Variants in IGBP1C observed in about 807,000 individuals in gnomAD.
IGBP1C encodes the protein IGBP1 family member C, also known as immunoglobulin-binding protein 1 family member C.
At chr17:58,680,095 C>T in the IGBP1C span, among the ~76,000 whole-genome samples, 1 of 151,954 alleles carries the variant, frequency 6.6e-6, no homozygotes, top group Admixed American at 6.6e-5. Context: ...TTTTTTCCCC[C>T]CAGAGACAAA....
chr17:58,661,201 G>A, the IGBP1C span: 1 of 799,024 alleles, frequency 1.3e-6, no homozygotes. Context: ...CAGCTGAGTT[G>A]GTCTTGGTTT....
the IGBP1C span, among the ~76,000 whole-genome samples, chr17:58,684,630 C>CAAAT: frequency 0.015 from 2,104 of 140,410 alleles, 32 homozygotes; most frequent in Admixed American, 0.042. Context: ...GACCCTGTCT[C>CAAAT]AAATAAATAA....
the IGBP1C span, among the ~76,000 whole-genome samples, chr17:58,673,523 T>TAAATAAA: frequency 8.9e-6 from 1 of 112,962 alleles, no homozygotes; most frequent in African/African-American, 3.4e-5. Context: ...AAATAAATAA[T>TAAATAAA]TGTATTGTAA....
chr17:58,686,574 G>A, the IGBP1C span, among the ~76,000 whole-genome samples: 2 of 152,250 alleles, frequency 1.3e-5, no homozygotes, highest in South Asian at 4.1e-4. Flanking sequence ...TGCTTGCAAA[G>A]CAAACAGAAA....
At chr17:58,680,912 T>C in the IGBP1C span, among the ~76,000 whole-genome samples, 7 of 152,314 alleles carry the variant, frequency 4.6e-5, no homozygotes, top group South Asian at 1.5e-3. Context: ...AGCCAGAGTT[T>C]ATAACTTTTT....
chr17:58,665,725 T>TTC, the IGBP1C span, among the ~76,000 whole-genome samples: 7 of 151,902 alleles, frequency 4.6e-5, no homozygotes, highest in East Asian at 9.8e-4. Context: ...CCCCAAAGCA[T>TTC]TCTTAAGAAC....
At chr17:58,661,358 A>T in the IGBP1C span, 1 of 906,626 alleles carries the variant, frequency 1.1e-6, no homozygotes, top group South Asian at 1.3e-5. Flanking sequence ...TGGCACCATC[A>T]GGTACTTCAG....
At chr17:58,681,913 A>C in the IGBP1C span, among the ~76,000 whole-genome samples, 3 of 152,152 alleles carry the variant, frequency 2.0e-5, no homozygotes, top group Non-Finnish European at 2.9e-5. Context: ...GGGAAAAGGT[A>C]ATGTATGTGA....
the IGBP1C span, among the ~76,000 whole-genome samples, chr17:58,665,952 G>C: frequency 1.3e-5 from 2 of 151,854 alleles, no homozygotes; most frequent in East Asian, 1.9e-4. Flanking sequence ...AGGAGGCTGA[G>C]GCAGGAGAAT....
At chr17:58,662,846 G>A in the IGBP1C span, among the ~76,000 whole-genome samples, 481 of 152,238 alleles carry the variant, frequency 3.2e-3, 4 homozygotes, top group Non-Finnish European at 5.4e-3. Context: ...GTGACCGGGC[G>A]CGGTGGCTCA....
chr17:58,690,382 T>A, the IGBP1C span, among the ~76,000 whole-genome samples: 1 of 152,148 alleles, frequency 6.6e-6, no homozygotes, highest in East Asian at 1.9e-4. Context: ...CCCAGGCTGG[T>A]CTCAAACTCC....
chr17:58,676,197 GA>G, the IGBP1C span, among the ~76,000 whole-genome samples: 1 of 152,090 alleles, frequency 6.6e-6, no homozygotes, highest in Admixed American at 6.6e-5. Flanking sequence ...CCAAAATGGT[GA>G]AACCCCATCT....
the IGBP1C span, chr17:58,660,510 G>A: frequency 2.8e-6 from 2 of 714,026 alleles, no homozygotes; most frequent in South Asian, 3.3e-5. Context: ...TCAGGGAGGG[G>A]AAGGCTGCAT....
the IGBP1C span, among the ~76,000 whole-genome samples, chr17:58,673,119 A>C: frequency 1.3e-5 from 2 of 152,082 alleles, no homozygotes; most frequent in Non-Finnish European, 2.9e-5. Flanking sequence ...CCAAAGGGAA[A>C]TTTTGAAACT....
the IGBP1C span, among the ~76,000 whole-genome samples, chr17:58,669,252 TGAGGCAGAAGAATGGCTTGAACCCAG>T: frequency 1.3e-5 from 2 of 151,632 alleles, no homozygotes; most frequent in African/African-American, 4.9e-5. Context: ...CTCAGGAGGC[TGAGGCAGAAGAATGGCTTGAACCCAG>T]GAGGCAGAGG....
chr17:58,675,415 A>T, the IGBP1C span: 1 of 154,706 alleles, frequency 6.5e-6, no homozygotes, highest in African/African-American at 2.4e-5. Context: ...TAAGAGATGT[A>T]AGCATTTTGA....
At chr17:58,684,031 C>T in the IGBP1C span, among the ~76,000 whole-genome samples, 12 of 152,146 alleles carry the variant, frequency 7.9e-5, no homozygotes, top group South Asian at 2.1e-4. Context: ...TGCCACTGCA[C>T]TCCAGCCTGG....
At chr17:58,687,898 T>C in the IGBP1C span, among the ~76,000 whole-genome samples, 2 of 152,154 alleles carry the variant, frequency 1.3e-5, no homozygotes, top group African/African-American at 4.8e-5. Flanking sequence ...AAGATCCTGA[T>C]AGATTATAAG....
chr17:58,672,222 C>A, the IGBP1C span, among the ~76,000 whole-genome samples: 1 of 152,140 alleles, frequency 6.6e-6, no homozygotes, highest in Non-Finnish European at 1.5e-5. Context: ...TCCTGCTGTG[C>A]GGCCTAGTTC....
Sources: allele counts gnomAD v4.1 joint callset (sites outside exome capture counted in the v4.1 genomes callset), GRCh38; gene constraint gnomAD v4.1.1; transcripts MANE v1.5; gene names NCBI Gene and HGNC (gene_info 2026-07-23, HGNC 2026-07-21).